Variants in GRHL3 observed in about 807,000 individuals in gnomAD.
The protein encoded by GRHL3 is grainyhead like transcription factor 3, also known as grainyhead-like protein 3 homolog.
GRHL3 carries 20 observed loss-of-function variants against 70.3 expected under a neutral mutation model. The ratio of observed to expected loss-of-function variants is 0.28; its 90% CI spans 0.20 to 0.41. GRHL3 has a LOEUF of 0.41. Among genes scored for constraint, GRHL3 ranks in the 10% least tolerant of loss-of-function variants. The probability of loss-of-function intolerance (pLI) is 1.00; values close to 1 mark genes in which losing one functional copy is unlikely to be tolerated. For synonymous variants in GRHL3, 299 were observed against 299.9 expected (o/e 1.00, Z 0.03); for missense variants, 637 against 762.3 (o/e 0.84, Z 1.94).
chr1:24,361,135 C>T (rs941616665), intron 15 of GRHL3: 4 of 1,209,100 alleles, frequency 3.3e-6, no homozygotes, highest in African/African-American at 3.1e-5. Flanking sequence ...CAGCAGCAAG[C>T]TGTCTGGAAG....
At position 24,319,432 on chromosome 1, in the gene GRHL3, C is replaced by T. The variant is rs748280410; in HGVS notation, c.-120C>T. The T allele has an allele frequency of 7.0e-5, 80 of 1,141,462 alleles. No individual in the cohort carries two copies. The highest frequency in any genetic ancestry group is 9.7e-5 in the Non-Finnish European group (73 of 754,922). The allele number at this position is 1,141,462 out of a possible 1,614,324, so 70.7% of individuals were successfully genotyped here. On this transcript the variant is annotated 5_prime_UTR_variant, in exon 1 of 16. Transcript: ENST00000361548. ...CCTACCTGTCAGCAAAATCTCGACA[C>T]CCAAACCTCAACATAAATCAAACAC... is the stretch of plus-strand genomic sequence containing the variant.
intron 13 of GRHL3, 81 bp downstream of exon 13, chr1:24,346,722 G>A: frequency 9.0e-7 from 1 of 1,111,450 alleles, no homozygotes; most frequent in East Asian, 2.5e-5. Flanking sequence ...AAGCCTCCTT[G>A]GGGTGGGGCA....
intron 2 of GRHL3, 95 bp downstream of exon 2, chr1:24,331,707 C>G: frequency 9.5e-7 from 1 of 1,055,038 alleles, no homozygotes; most frequent in Admixed American, 2.1e-5. Flanking sequence ...ACCACCCCAG[C>G]CCCTCATCTC....
chr1:24,319,794 G>A lies in GRHL3; in HGVS notation c.17+226G>A. 3 of 1,359,682 alleles carry A rather than the reference G, an allele frequency of 2.2e-6. No homozygotes were observed. In the South Asian group the frequency reaches 4.5e-5, roughly 20 times the overall value. The allele number at this position is 1,359,682 out of a possible 1,614,324, so 84.2% of individuals were successfully genotyped here. ...TAGTTTTTCTCATTCTCTTTGCTGA[G>A]CAGTTTCGAGCCAGGCAGGGAAACA... On this transcript the variant is annotated intron_variant, in intron 1 of 15. Coordinates refer to ENST00000361548, the MANE Select transcript of GRHL3 (RefSeq NM_198173.3).
At chr1:24,341,089 G>A (rs1335605314) in intron 8 of GRHL3, among the ~76,000 whole-genome samples, 5 of 152,162 alleles carry the variant, frequency 3.3e-5, no homozygotes, top group Non-Finnish European at 7.3e-5. Context: ...CATTTCCAAA[G>A]GAAATGTTCC....
chr1:24,329,806 C>T (rs1258771536), intron 1 of GRHL3, among the ~76,000 whole-genome samples: 1 of 152,218 alleles, frequency 6.6e-6, no homozygotes. Flanking sequence ...CCCACTTCAT[C>T]TCTGGGGCTC....
chr1:24,336,212 A>G (rs1393126991), intron 3 of GRHL3, among the ~76,000 whole-genome samples: 1 of 149,996 alleles, frequency 6.7e-6, no homozygotes, highest in Non-Finnish European at 1.5e-5. Flanking sequence ...TTAAACTTTC[A>G]GGGTTTTTTT....
intron 14 of GRHL3, among the ~76,000 whole-genome samples, chr1:24,349,123 G>A (rs1425835086): frequency 6.6e-6 from 1 of 152,112 alleles, no homozygotes; most frequent in Non-Finnish European, 1.5e-5. Flanking sequence ...TCGAAGTTCT[G>A]CACGTCCAGG....
At chr1:24,345,260 C>A (rs1276635566) in intron 12 of GRHL3, among the ~76,000 whole-genome samples, 40 of 98,100 alleles carry the variant, frequency 4.1e-4, no homozygotes, top group East Asian at 1.2e-3. Context: ...CACCTGTGCC[C>A]CCTCCACACC....
At chr1:24,326,390 C>T (rs1639391045) in intron 1 of GRHL3, among the ~76,000 whole-genome samples, 2 of 149,930 alleles carry the variant, frequency 1.3e-5, no homozygotes, top group Non-Finnish European at 3.0e-5. Flanking sequence ...CCCCTCTTCT[C>T]CTCCACCCCT....
At chr1:24,344,974 A>ACCCTCCACACCTGTGCC in intron 12 of GRHL3, 43 bp downstream of exon 12, 2 of 1,458,530 alleles carry the variant, frequency 1.4e-6, no homozygotes, top group Non-Finnish European at 1.8e-6. Flanking sequence ...ACACCTGTGC[A>ACCCTCCACACCTGTGCC]CCCTCCACAC....
At chr1:24,360,740 C>T in intron 15 of GRHL3, 3 of 973,144 alleles carry the variant, frequency 3.1e-6, no homozygotes, top group Non-Finnish European at 4.5e-6. Context: ...ACCCTCATCC[C>T]TGTAACCTAT....
rs370145100 is a variant in GRHL3, at chr1:24,350,038, C to T, written c.1630-20C>T. 6.8e-5 allele frequency: 109 copies of T among 1,592,354 alleles called. No homozygotes were observed. The highest frequency in any genetic ancestry group is 8.8e-5 in the Non-Finnish European group (102 of 1,161,432). ...CTAGCGTGGGCAGCAGGCAATGAAT[C>T]ACCTGTCTTTTCCTTCCAGATCTCT... On this transcript the variant is annotated intron_variant, in intron 14 of 15. Coordinates refer to ENST00000361548, the MANE Select transcript of GRHL3 (RefSeq NM_198173.3).
intron 1 of GRHL3, among the ~76,000 whole-genome samples, chr1:24,325,109 A>C (rs1022116934): frequency 6.6e-6 from 1 of 152,148 alleles, no homozygotes; most frequent in African/African-American, 2.4e-5. Context: ...ATCACTGTTA[A>C]TGAGGTTGGG....
rs1322763808 is a variant in GRHL3 at position 24,321,658 on chromosome 1, ACAC to A, written c.17+2092_17+2094del. The A allele has an allele frequency of 6.6e-6, 1 of 152,280 alleles. No homozygotes were observed. Among genetic ancestry groups the A allele is most frequent in the African/African-American group, 2.4e-5 (1 of 41,456 alleles). 9.4% of individuals were successfully genotyped at this position (152,280 alleles called of 1,614,324 possible). ...CCCTCAGTCTGCTCATCTGTCTGTA[ACAC>A]CTACCTGGCAGGAACAACTGTGAGC... On this transcript the variant is annotated intron_variant, in intron 1 of 15. Transcript: ENST00000361548. The surrounding 1 kb of genome is among the most constrained non-coding windows in gnomAD (Gnocchi z 4.0).
intron 1 of GRHL3, among the ~76,000 whole-genome samples, chr1:24,329,422 A>G (rs1369631264): frequency 6.6e-6 from 1 of 152,166 alleles, no homozygotes; most frequent in African/African-American, 2.4e-5. Flanking sequence ...CCACAGTTTT[A>G]CCACAAACAC....
intron 14 of GRHL3, among the ~76,000 whole-genome samples, chr1:24,349,330 G>A (rs184751172): frequency 1.1e-4 from 17 of 152,340 alleles, no homozygotes; most frequent in Non-Finnish European, 2.2e-4. Context: ...TCTAGGCCTT[G>A]GGCGCGTGGC....
chr1:24,360,080 C>T (rs1266218550), downstream of GRHL3, among the ~76,000 whole-genome samples: 1 of 152,204 alleles, frequency 6.6e-6, no homozygotes, highest in East Asian at 1.9e-4. Context: ...GGCCCACCTG[C>T]TCTCCAGGGC....
chr1:24,328,125 A>G (rs902796949), intron 1 of GRHL3, among the ~76,000 whole-genome samples: 5 of 152,190 alleles, frequency 3.3e-5, no homozygotes, highest in Non-Finnish European at 5.9e-5. Flanking sequence ...AATTAGTTCA[A>G]TGTATTTTGA....
Sources: gnomAD v4.1 joint callset for allele counts (sites outside exome capture counted in the v4.1 genomes callset) on GRCh38, gnomAD v4.1.1 for gene constraint, Gnocchi (gnomAD v3.1) non-coding constraint, MANE v1.5 for transcripts, NCBI Gene and HGNC (gene_info 2026-07-23, HGNC 2026-07-21) for gene names.